Variants in WDPCP observed in about 807,000 individuals in gnomAD.
The protein encoded by WDPCP is WD repeat-containing and planar cell polarity effector protein fritz homolog.
WDPCP carries 71 observed loss-of-function variants against 93.1 expected under a neutral mutation model. The observed-to-expected ratio is 0.76, with a 90% CI of 0.63 to 0.93. The LOEUF (loss-of-function observed/expected upper bound fraction) is 0.93. WDPCP is among the 40% of genes least tolerant of loss of function. The pLI is 0.00. For missense variants in WDPCP, 844 were observed against 887.4 expected, an observed-to-expected ratio of 0.95 and a Z score of 0.62; for synonymous variants, 315 against 315.0, an observed-to-expected ratio of 1.00 and a Z score of 0.00.
intron 1 of WDPCP, among the ~76,000 whole-genome samples, chr2:63,528,878 CTTT>C (rs1703582763): frequency 6.6e-6 from 1 of 152,138 alleles, no homozygotes; most frequent in Non-Finnish European, 1.5e-5. Context: ...TTTGTGTCTT[CTTT>C]TATTTCATTG....
intron 14 of WDPCP, among the ~76,000 whole-genome samples, chr2:63,241,415 A>G (rs552903309): frequency 6.6e-6 from 1 of 152,320 alleles, no homozygotes; most frequent in East Asian, 1.9e-4. Flanking sequence ...CAGTGTAGGA[A>G]GTTAAAGAGT....
chr2:63,506,947 A>G (rs1701916178), intron 1 of WDPCP, among the ~76,000 whole-genome samples: 1 of 152,052 alleles, frequency 6.6e-6, no homozygotes. Flanking sequence ...GATACTTTTG[A>G]AGAAGTCTCC....
At chr2:63,614,918 A>G (rs1709656685) in intron 3 of WDPCP, among the ~76,000 whole-genome samples, 1 of 152,210 alleles carries the variant, frequency 6.6e-6, no homozygotes, top group African/African-American at 2.4e-5. Context: ...AAGCATAAAA[A>G]CAGACAATTT....
chr2:63,478,691 G>A (rs1700099282), intron 6 of WDPCP, among the ~76,000 whole-genome samples: 1 of 152,024 alleles, frequency 6.6e-6, no homozygotes, highest in East Asian at 1.9e-4. Flanking sequence ...GTGCTAAGAG[G>A]AAAGTTCATA....
chr2:63,629,050 C>A (rs746731672), intron 3 of WDPCP, among the ~76,000 whole-genome samples: 1 of 152,258 alleles, frequency 6.6e-6, no homozygotes, highest in African/African-American at 2.4e-5. Context: ...CTAAGTATAA[C>A]TAAAGGAGTA....
At chr2:63,519,460 C>T (rs1702782023) in intron 1 of WDPCP, among the ~76,000 whole-genome samples, 1 of 152,190 alleles carries the variant, frequency 6.6e-6, no homozygotes, top group Admixed American at 6.5e-5. Flanking sequence ...GGGCATGGAT[C>T]CCACTGACAC....
chr2:63,670,966 C>G (rs1318734337), intron 2 of WDPCP, among the ~76,000 whole-genome samples: 1 of 152,146 alleles, frequency 6.6e-6, no homozygotes, highest in Non-Finnish European at 1.5e-5. Context: ...GGCATAGTTG[C>G]CACTGCTACA....
intron 3 of WDPCP, 47 bp from the exon 4 acceptor site, chr2:63,486,633 T>A: frequency 6.8e-7 from 1 of 1,471,406 alleles, no homozygotes; most frequent in Non-Finnish European, 9.3e-7. Context: ...AAAAGTAGAA[T>A]TTATTTTTAT....
At chr2:63,545,842 C>G (rs1427557461) in intron 1 of WDPCP, among the ~76,000 whole-genome samples, 2 of 145,900 alleles carry the variant, frequency 1.4e-5, no homozygotes, top group Non-Finnish European at 3.0e-5. Context: ...TTCTTCTGAA[C>G]GAGGCGCTCA....
At chr2:63,512,727 C>T (rs895001074) in intron 1 of WDPCP, among the ~76,000 whole-genome samples, 2 of 151,936 alleles carry the variant, frequency 1.3e-5, no homozygotes, top group African/African-American at 4.8e-5. Flanking sequence ...GAACGTCACA[C>T]ACTGGGGCCT....
At chr2:63,578,254 T>A (rs1708249262) in intron 1 of WDPCP, among the ~76,000 whole-genome samples, 1 of 152,202 alleles carries the variant, frequency 6.6e-6, no homozygotes, top group Admixed American at 6.5e-5. Context: ...GCATTATCAT[T>A]ATTTAAAATA....
intron 12 of WDPCP, among the ~76,000 whole-genome samples, chr2:63,352,794 T>C (rs1689726700): frequency 6.6e-6 from 1 of 152,186 alleles, no homozygotes; most frequent in Non-Finnish European, 1.5e-5. Context: ...CATTCTCTAC[T>C]TGAGGGTGCA....
chr2:63,437,656 G>A, intron 7 of WDPCP, 102 bp from the exon 8 acceptor site: 1 of 1,153,516 alleles, frequency 8.7e-7, no homozygotes, highest in East Asian at 2.5e-5. Flanking sequence ...CATATTAACT[G>A]AAATCACTAA....
chr2:63,476,527 A>G (rs936063199), intron 6 of WDPCP, among the ~76,000 whole-genome samples: 16 of 152,022 alleles, frequency 1.1e-4, no homozygotes, highest in African/African-American at 3.6e-4. Flanking sequence ...TTCTACCATC[A>G]TTTTACTCAG....
chr2:63,655,687 T>C (rs894860404), intron 2 of WDPCP, among the ~76,000 whole-genome samples: 4 of 152,198 alleles, frequency 2.6e-5, no homozygotes, highest in African/African-American at 9.6e-5. Flanking sequence ...TTGATGCACA[T>C]AGAAGCAAAA....
At chr2:63,443,573 T>G (rs1329469080) in intron 6 of WDPCP, among the ~76,000 whole-genome samples, 1 of 152,144 alleles carries the variant, frequency 6.6e-6, no homozygotes, top group Non-Finnish European at 1.5e-5. Flanking sequence ...AGAGAGGCAG[T>G]CAAGGACCAG....
chr2:63,596,755 T>G (rs1709320287), intron 3 of WDPCP, among the ~76,000 whole-genome samples: 1 of 152,194 alleles, frequency 6.6e-6, no homozygotes, highest in Non-Finnish European at 1.5e-5. Flanking sequence ...TGCGATGACT[T>G]ATGTTCTTTA....
intron 12 of WDPCP, among the ~76,000 whole-genome samples, chr2:63,320,119 T>C (rs979074566): frequency 5.3e-5 from 8 of 151,862 alleles, no homozygotes; most frequent in African/African-American, 1.7e-4. Context: ...AAACTAAACA[T>C]CCAACTTAAT....
intron 1 of WDPCP, among the ~76,000 whole-genome samples, chr2:63,565,907 T>C (rs1167998894): frequency 6.6e-6 from 1 of 152,210 alleles, no homozygotes; most frequent in African/African-American, 2.4e-5. Flanking sequence ...GTCTATTCTA[T>C]ATCCTAAATA....
Sources: gnomAD v4.1 joint callset for allele counts (sites outside exome capture counted in the v4.1 genomes callset) on GRCh38, gnomAD v4.1.1 for gene constraint, MANE v1.5 for transcripts, NCBI Gene and HGNC (gene_info 2026-07-23, HGNC 2026-07-21) for gene names.